MBD4: variants seen among roughly 807,000 people sequenced by gnomAD.
MBD4 encodes the protein methyl-CpG-binding domain protein 4.
A neutral mutation model predicts 60.2 loss-of-function variants in MBD4; 53 were observed. The observed-to-expected ratio is 0.88, with a 90% CI of 0.71 to 1.11. The LOEUF (loss-of-function observed/expected upper bound fraction) is 1.11. Among genes scored for constraint, MBD4 ranks in the 50% least tolerant of loss-of-function variants. The pLI, the probability that MBD4 is intolerant of heterozygous loss-of-function variation, is 0.00. For synonymous variants in MBD4, 231 were observed against 229.8 expected (o/e 1.01, Z -0.05); for missense variants, 619 against 674.0 (o/e 0.92, Z 0.90).
At position 129,439,923 on chromosome 3, in the gene MBD4, C is replaced by A. The variant is rs1053786015; in HGVS notation, c.-90G>T. On this transcript the variant is annotated 5_prime_UTR_variant, in exon 1 of 8. Transcript: ENST00000429544. ...GATGTGAAACCTCTTCAGCTCACGG[C>A]ACCGGGCTGCAACCGAGGTCTGAAT... 2.4e-5 allele frequency: 22 copies of A among 935,460 alleles called. No individual in the cohort carries two copies. Among genetic ancestry groups the A allele is most frequent in the Non-Finnish European group, 3.4e-5 (20 of 585,452 alleles). The allele number at this position is 935,460 out of a possible 1,614,324, so 57.9% of individuals were successfully genotyped here. A position where few individuals can be genotyped will look rare whatever the true frequency, so the allele number is the denominator to read the frequency against.
intron 1 of MBD4, 21 bp downstream of exon 1, chr3:129,439,709 C>T: frequency 1.4e-6 from 2 of 1,454,600 alleles, no homozygotes; most frequent in Non-Finnish European, 1.9e-6. Context: ...AACTGAGGCC[C>T]AAAAGGGGAC....
At chr3:129,436,155 G>A (rs3138344) in intron 3 of MBD4, among the ~76,000 whole-genome samples, 1,598 of 152,306 alleles carry the variant, frequency 0.01, 11 homozygotes, top group Middle Eastern at 0.027. Context: ...CACTGCTGAG[G>A]AGGAGAGTCC....
intron 3 of MBD4, among the ~76,000 whole-genome samples, chr3:129,435,189 C>A (rs904376936): frequency 6.6e-6 from 1 of 151,012 alleles, no homozygotes; most frequent in Non-Finnish European, 1.5e-5. Flanking sequence ...ACTGTTTTTT[C>A]GCTATTTTAG....
chr3:129,438,704 G>A (rs2072568363), intron 1 of MBD4, among the ~76,000 whole-genome samples: 1 of 151,180 alleles, frequency 6.6e-6, no homozygotes, highest in Non-Finnish European at 1.5e-5. Context: ...CCAAGAGTTT[G>A]AGACCAGCCT....
chr3:129,438,604 T>C (rs531082290), intron 1 of MBD4, among the ~76,000 whole-genome samples: 18 of 152,128 alleles, frequency 1.2e-4, no homozygotes, highest in African/African-American at 3.1e-4. Flanking sequence ...TTCTCCCCCA[T>C]ACTGTTATTG....
chr3:129,431,102 C>T lies in MBD4; in HGVS notation c.*399G>A, dbSNP rs2072335505. On this transcript the variant is annotated 3_prime_UTR_variant, in exon 8 of 8. Coordinates refer to ENST00000429544, the MANE Select transcript of MBD4 (RefSeq NM_001276270.2). ...CTCATGAGCTCAAATGATCCTCCTG[C>T]CTCAGCCTTCCGAGATTACAGGCAT... 2 of 218,836 alleles carry T rather than the reference C, an allele frequency of 9.1e-6. No homozygotes were observed. The highest frequency in any genetic ancestry group is 1.2e-4 in the East Asian group (1 of 8,084). 13.6% of individuals were successfully genotyped at this position (218,836 alleles called of 1,614,324 possible).
intron 3 of MBD4, among the ~76,000 whole-genome samples, chr3:129,434,550 TTAAAG>T (rs1437677834): frequency 2.0e-5 from 3 of 152,246 alleles, no homozygotes; most frequent in Non-Finnish European, 4.4e-5. Flanking sequence ...AATGTGGTCA[TTAAAG>T]TATTTTTTAG....
At position 129,434,147 on chromosome 3, in the gene MBD4, A is replaced by T. The variant is rs776199077; in HGVS notation, c.1184-11T>A. On this transcript the variant is annotated splice_polypyrimidine_tract_variant and intron_variant, in intron 3 of 7. Transcript: ENST00000429544. ...GTGGGATGGTATCTTCTGAAAAGGA[A>T]AAGTAAACACTTTATGGAGTCTATG... 10 of 1,605,128 alleles carry T rather than the reference A, an allele frequency of 6.2e-6. No homozygotes were observed. The East Asian group carries it at 1.6e-4, about 25-fold the overall frequency.
intron 1 of MBD4, among the ~76,000 whole-genome samples, chr3:129,438,615 A>G (rs2072557983): frequency 6.6e-6 from 1 of 152,114 alleles, no homozygotes; most frequent in East Asian, 1.9e-4. Context: ...ACTGTTATTG[A>G]AAAAAGCTGG....
At position 129,437,874 on chromosome 3, in the gene MBD4, A is replaced by G. The variant is rs2307296; in HGVS notation, c.181T>C (p.Cys61Arg). ...EQMMIKRSSE[C>R]NPLLQEPIAS... ...ATGGGTTCTTGTAGCAAGGGATTAC[A>G]TTCACTGCTTCTTTTTATCATCATT... The change falls in exon 2 of 8, where the codon TGT becomes CGT. Residue 61 changes from cysteine (C) to arginine (R), a missense_variant. By Grantham distance (180) the Cys-to-Arg change is radical. Transcript: ENST00000429544. 2,072 of 1,614,066 alleles carry G rather than the reference A, an allele frequency of 1.3e-3. 11 individuals carry two copies. The highest frequency in any genetic ancestry group is 1.6e-3 in the Non-Finnish European group (1,891 of 1,179,940).
intron 7 of MBD4, chr3:129,432,088 A>G: frequency 1.1e-6 from 1 of 920,328 alleles, no homozygotes; most frequent in Non-Finnish European, 1.3e-6. Flanking sequence ...ACAGGGCTGA[A>G]GCAGGACCCA....
Position 129,436,583 on chromosome 3 carries a change from T to C in MBD4, c.1061A>G (p.Glu354Gly). ...TACTTTTGTTCCGATTTCTTCAGAT[T>C]CTAAAAAGGTATCCTCATACTTCTC... ...HNEKYEDTFL[E>G]SEEIGTKVEV... The change falls in exon 3 of 8, where the codon GAA becomes GGA. Residue 354 changes from glutamate (E) to glycine (G), a missense_variant. Glu to Gly is a moderately conservative substitution (Grantham distance 98). Transcript: ENST00000429544. 6 of 1,614,206 alleles carry C rather than the reference T, an allele frequency of 3.7e-6. No homozygotes were observed. The highest frequency in any genetic ancestry group is 5.1e-6 in the Non-Finnish European group (6 of 1,180,026).
intron 1 of MBD4, 113 bp from the exon 2 acceptor site, chr3:129,438,063 G>C (rs2072505231): frequency 2.8e-6 from 2 of 704,278 alleles, no homozygotes; most frequent in Admixed American, 4.4e-5. Context: ...ATTAAAATGA[G>C]GGAGATTAAA....
chr3:129,433,916 G>A lies in MBD4; in HGVS notation c.1327C>T (p.Gln443Ter). Residue 443 changes from glutamine (Q) to a stop codon, truncating the protein, a stop_gained, in exon 5 of 8, where the codon CAA becomes TAA. Transcript: ENST00000429544. LOFTEE classifies it high-confidence loss of function. ...CATGGATCATGAAAAAGTGTTTCTT[G>A]AACGAGATTAAAAGGTGACCGAGGA... Reference protein sequence around the residue: ...TPPRSPFNLVQETLFHDPWKL... With the variant: ...TPPRSPFNLV The A allele has an allele frequency of 1.2e-6, 2 of 1,614,136 alleles. No individual in the cohort carries two copies. The highest frequency in any genetic ancestry group is 1.7e-6 in the Non-Finnish European group (2 of 1,179,978).
chr3:129,436,440 T>C (rs1477701622), intron 3 of MBD4, 21 bp downstream of exon 3: 3 of 1,613,644 alleles, frequency 1.9e-6, no homozygotes, highest in Admixed American at 3.3e-5. Flanking sequence ...AAGCACTGGA[T>C]ACCTTGAAAT....
Position 129,432,483 on chromosome 3 carries a change from T to C in MBD4, c.1647+20A>G, listed in dbSNP as rs961644660. 36 of 1,614,122 alleles carry C rather than the reference T, an allele frequency of 2.2e-5. No homozygotes were observed. Among genetic ancestry groups the C allele is most frequent in the Admixed American group, 3.3e-5 (2 of 60,006 alleles). On this transcript the variant is annotated intron_variant, in intron 7 of 7. Coordinates refer to ENST00000429544, the MANE Select transcript of MBD4 (RefSeq NM_001276270.2). Reference sequence around the variant, plus strand: ...CTCAGAGACCAAATGTGCTGAATTATGGATGGGAGTGAGCCTCACCTGCTT... The same window carrying C: ...CTCAGAGACCAAATGTGCTGAATTACGGATGGGAGTGAGCCTCACCTGCTT...
Position 129,434,283 on chromosome 3 carries a change from A to G in MBD4, c.1184-147T>C. ...CATAAATACCCAATTAATCTAACTA[A>G]TGACCCATGAACTTGGTACTATTTT... On this transcript the variant is annotated intron_variant, in intron 3 of 7. Transcript: ENST00000429544. 1.3e-5 allele frequency: 9 copies of G among 705,302 alleles called. No individual in the cohort carries two copies. The South Asian group carries it at 1.4e-4, about 11-fold the overall frequency. 43.7% of individuals were successfully genotyped at this position (705,302 alleles called of 1,614,324 possible). A position where few individuals can be genotyped will look rare whatever the true frequency, so the allele number is the denominator to read the frequency against.
intron 5 of MBD4, chr3:129,433,542 G>C: frequency 1.7e-6 from 1 of 578,450 alleles, no homozygotes; most frequent in South Asian, 2.1e-5. Flanking sequence ...TAGAACACAA[G>C]GTACATTCAG....
intron 1 of MBD4, among the ~76,000 whole-genome samples, chr3:129,438,783 A>G (rs1320686988): frequency 2.6e-5 from 4 of 151,716 alleles, no homozygotes; most frequent in Admixed American, 1.3e-4. Flanking sequence ...AAAAAAAAAC[A>G]AGCAACCGGG....
Sources: allele counts gnomAD v4.1 joint callset (sites outside exome capture counted in the v4.1 genomes callset), GRCh38; gene constraint gnomAD v4.1.1; transcripts MANE v1.5; gene names NCBI Gene and HGNC (gene_info 2026-07-23, HGNC 2026-07-21).